The following C10orf90 variants were observed in gnomAD, a reference collection of about 807,000 sequenced individuals.
C10orf90 encodes (E2-independent) E3 ubiquitin-conjugating enzyme FATS.
Under a neutral mutation model 62.5 loss-of-function variants are expected in C10orf90, and 56 were observed. That is an observed-to-expected ratio of 0.90 (90% CI 0.72 to 1.12). The LOEUF (loss-of-function observed/expected upper bound fraction) is 1.12. Ranked by LOEUF, C10orf90 falls within the 50% of genes most tolerant of loss-of-function variation. C10orf90 has a pLI of 0.00. For missense variants in C10orf90, 970 were observed against 880.4 expected (o/e 1.10, Z -1.29); for synonymous variants, 386 against 340.4 (o/e 1.13, Z -1.47).
intron 2 of C10orf90, 60 bp from the exon 3 acceptor site, chr10:126,513,999 A>G (rs1863289954): frequency 8.3e-7 from 1 of 1,200,574 alleles, no homozygotes; most frequent in Non-Finnish European, 1.2e-6. Flanking sequence ...AATGGAATAT[A>G]TAACTCTACT....
intron 1 of C10orf90, among the ~76,000 whole-genome samples, chr10:126,661,726 T>C (rs1846518738): frequency 6.6e-6 from 1 of 152,040 alleles, no homozygotes; most frequent in Non-Finnish European, 1.5e-5. Context: ...TCTTTTCTTC[T>C]GCAGCATCCA....
chr10:126,460,021 A>T (rs1859865171), intron 6 of C10orf90, among the ~76,000 whole-genome samples: 1 of 152,196 alleles, frequency 6.6e-6, no homozygotes, highest in Non-Finnish European at 1.5e-5. Flanking sequence ...AGTTTGGTAG[A>T]TCACATGGTA....
At chr10:126,464,166 G>A (rs1000891711) in intron 5 of C10orf90, among the ~76,000 whole-genome samples, 1 of 152,152 alleles carries the variant, frequency 6.6e-6, no homozygotes, top group Non-Finnish European at 1.5e-5. Context: ...TTGATCCCCA[G>A]AGAAATGATG....
chr10:126,430,644 TG>T (rs952048783), intron 7 of C10orf90, among the ~76,000 whole-genome samples: 16 of 152,230 alleles, frequency 1.1e-4, no homozygotes, highest in African/African-American at 3.4e-4. Context: ...GCTTGTTGCA[TG>T]GGGGTGTGTT....
At chr10:126,565,878 A>G (rs1844375885) in intron 2 of C10orf90, among the ~76,000 whole-genome samples, 1 of 152,168 alleles carries the variant, frequency 6.6e-6, no homozygotes. Flanking sequence ...ATGCAAGCAA[A>G]TGCACCTAAC....
chr10:126,503,818 A>G, intron 4 of C10orf90, 139 bp downstream of exon 4: 2 of 1,062,624 alleles, frequency 1.9e-6, no homozygotes, highest in South Asian at 3.8e-5. Flanking sequence ...ATCAGTTGTC[A>G]ACTATGAGCA....
chr10:126,575,572 A>AG (rs1363426177), intron 2 of C10orf90, among the ~76,000 whole-genome samples: 2 of 152,040 alleles, frequency 1.3e-5, no homozygotes, highest in African/African-American at 4.8e-5. Flanking sequence ...ATTGAAAAAA[A>AG]AAATCCTAAA....
At chr10:126,565,227 C>A (rs1167958539) in intron 2 of C10orf90, among the ~76,000 whole-genome samples, 1 of 48,462 alleles carries the variant, frequency 2.1e-5, no homozygotes, top group Non-Finnish European at 3.8e-5. Context: ...TTTTATATTA[C>A]ATATTATGTA....
chr10:126,616,740 G>A (rs137983375), intron 2 of C10orf90, among the ~76,000 whole-genome samples: 1 of 152,274 alleles, frequency 6.6e-6, no homozygotes, highest in East Asian at 1.9e-4. Flanking sequence ...TTAAAGCCAA[G>A]CTTGTGGCAA....
chr10:126,528,339 A>C (rs1864003675), intron 2 of C10orf90, among the ~76,000 whole-genome samples: 2 of 152,210 alleles, frequency 1.3e-5, no homozygotes, highest in South Asian at 4.1e-4. Flanking sequence ...GAAGCATCAA[A>C]ATAATTATTT....
At chr10:126,521,156 G>A in intron 2 of C10orf90, 1 of 877,462 alleles carries the variant, frequency 1.1e-6, no homozygotes, top group South Asian at 1.9e-5. Flanking sequence ...GTTGGCCCAG[G>A]TCTTTAGAGA....
chr10:126,512,272 GAGAA>G (rs59878189), intron 3 of C10orf90, among the ~76,000 whole-genome samples: 128,334 of 149,460 alleles, frequency 0.86, 55,098 homozygotes, highest in Middle Eastern at 0.93. Context: ...GAGAGAGAGA[GAGAA>G]AGAGAGACAG....
intron 2 of C10orf90, among the ~76,000 whole-genome samples, chr10:126,526,201 C>T (rs1392624792): frequency 6.6e-6 from 1 of 151,954 alleles, no homozygotes; most frequent in African/African-American, 2.4e-5. Flanking sequence ...TAAACACAGC[C>T]CTTCCTGATG....
chr10:126,653,213 A>G (rs368980353), intron 1 of C10orf90, among the ~76,000 whole-genome samples: 92 of 152,330 alleles, frequency 6.0e-4, no homozygotes, highest in Middle Eastern at 3.4e-3. Context: ...TGAGACAACA[A>G]TGAAGTTTGC....
At chr10:126,632,267 G>A (rs1369108570) in intron 2 of C10orf90, among the ~76,000 whole-genome samples, 6 of 151,880 alleles carry the variant, frequency 4.0e-5, no homozygotes, top group Admixed American at 3.3e-4. Context: ...CAGCAAGGAG[G>A]GTGACACAGG....
chr10:126,507,543 A>G (rs1369477415), intron 3 of C10orf90, among the ~76,000 whole-genome samples: 1 of 150,358 alleles, frequency 6.7e-6, no homozygotes, highest in East Asian at 1.9e-4. Context: ...TGAGTCATGA[A>G]AGGGGACTTT....
intron 2 of C10orf90, among the ~76,000 whole-genome samples, chr10:126,628,358 T>C (rs73370829): frequency 0.052 from 7,886 of 152,108 alleles, 623 homozygotes; most frequent in African/African-American, 0.18. Context: ...GAAAAATGGG[T>C]GGGTGGATGG....
chr10:126,599,290 A>G (rs1845148307), intron 2 of C10orf90, among the ~76,000 whole-genome samples: 1 of 148,010 alleles, frequency 6.8e-6, no homozygotes, highest in Admixed American at 6.9e-5. Flanking sequence ...GGTTCACGCC[A>G]TTCTCCTGCC....
chr10:126,584,287 C>T (rs1844813493), intron 2 of C10orf90, among the ~76,000 whole-genome samples: 1 of 151,900 alleles, frequency 6.6e-6, no homozygotes, highest in Non-Finnish European at 1.5e-5. Context: ...TCTGCCTGTC[C>T]ATCCATCTGC....
Sources: gnomAD v4.1 joint callset for allele counts (sites outside exome capture counted in the v4.1 genomes callset) on GRCh38, gnomAD v4.1.1 for gene constraint, MANE v1.5 for transcripts, NCBI Gene and HGNC (gene_info 2026-07-23, HGNC 2026-07-21) for gene names.